The following FBXO27 variants were observed in gnomAD, a reference collection of about 807,000 sequenced individuals.
The protein encoded by FBXO27 is F-box only protein 27.
In FBXO27, 28 loss-of-function variants were observed where a neutral mutation model predicts 28.3. The observed-to-expected ratio is 0.99, with a 90% CI of 0.73 to 1.36. The LOEUF (loss-of-function observed/expected upper bound fraction) is 1.36. FBXO27 is among the 40% of genes most tolerant of loss of function. FBXO27 has a pLI of 0.00. For missense variants in FBXO27, 388 were observed against 394.1 expected (o/e 0.98, Z 0.13); for synonymous variants, 175 against 167.3 (o/e 1.05, Z -0.36).
rs978336508 is a variant in FBXO27, at chr19:39,026,929, C to A, written c.649G>T (p.Asp217Tyr). Residue 217 changes from aspartate to tyrosine, a missense_variant, in exon 5 of 6, where the codon GAT becomes TAT. By Grantham distance (160) the Asp-to-Tyr change is radical. Transcript: ENST00000292853. ...GGATCAGGCACAGCAGAGAATTTAT[C>A]TAGAACAGTCTGGTTGGCGTCTAGA... Reference protein sequence around the residue: ...QLLDANQTVLDKFSAVPDPIP... With the variant: ...QLLDANQTVLYKFSAVPDPIP... The A allele has an allele frequency of 6.2e-7, 1 of 1,614,210 alleles. No individual in the cohort carries two copies. Among genetic ancestry groups the A allele is most frequent in the Non-Finnish European group, 8.5e-7 (1 of 1,180,050 alleles).
intron 2 of FBXO27, among the ~76,000 whole-genome samples, chr19:39,008,264 C>CAAAAAAAAAAAAA (rs567620173): frequency 1.0e-5 from 1 of 98,866 alleles, no homozygotes; most frequent in Non-Finnish European, 2.1e-5. Context: ...GACTCTGTCT[C>CAAAAAAAAAAAAA]AAAAAAAAAA....
rs2072875333 is a variant in FBXO27 at position 39,026,858 on chromosome 19, T to A, written c.708+12A>T. 6.2e-7 allele frequency: 1 copy of A among 1,613,966 alleles called. No homozygotes were observed. The highest frequency in any genetic ancestry group is 1.3e-5 in the African/African-American group (1 of 74,918). On this transcript the variant is annotated intron_variant, in intron 5 of 5. Coordinates refer to ENST00000292853, the MANE Select transcript of FBXO27 (RefSeq NM_178820.5). ...CCAGCATCCTTTCCCCAAACCCCCA[T>A]AGGAGACTCACGTGAAGGCAGGCAT...
chr19:39,014,394 A>G (rs1051988706), exon 2 of FBXO27: 6 of 152,094 alleles, frequency 3.9e-5, no homozygotes, highest in East Asian at 3.9e-4. Context: ...TACCTCGTCA[A>G]TCTTAGAGCT....
chr19:39,019,470 A>G (rs1340671458), downstream of FBXO27, among the ~76,000 whole-genome samples: 41 of 136,252 alleles, frequency 3.0e-4, no homozygotes, highest in African/African-American at 1.1e-3. Context: ...AAAAAAAAAA[A>G]AGAAAGACAT....
chr19:39,031,174 A>G, intron 3 of FBXO27, 35 bp downstream of exon 3: 1 of 1,613,362 alleles, frequency 6.2e-7, no homozygotes, highest in Non-Finnish European at 8.5e-7. Context: ...CTTTCTCAAC[A>G]AGGGGCCGGA....
downstream of FBXO27, among the ~76,000 whole-genome samples, chr19:39,022,146 C>CTT (rs532602600): frequency 1.5e-4 from 13 of 89,054 alleles, no homozygotes; most frequent in African/African-American, 2.7e-4. Context: ...ATTTTCTATT[C>CTT]TTTTTTTTTT....
chr19:39,010,283 A>T (rs543553310), intron 2 of FBXO27, among the ~76,000 whole-genome samples: 1 of 152,096 alleles, frequency 6.6e-6, no homozygotes, highest in East Asian at 1.9e-4. Flanking sequence ...CTTTGACTTA[A>T]TTTCTGTAGA....
intron 2 of FBXO27, among the ~76,000 whole-genome samples, chr19:39,009,934 C>A (rs4803181): frequency 2.0e-5 from 3 of 151,456 alleles, no homozygotes; most frequent in Non-Finnish European, 4.4e-5. Context: ...CTCAGCCTCC[C>A]GAGTAGCTGG....
At chr19:39,029,426 CAAAAA>C (rs35521168) in intron 4 of FBXO27, among the ~76,000 whole-genome samples, 2 of 101,752 alleles carry the variant, frequency 2.0e-5, no homozygotes, top group Non-Finnish European at 3.8e-5. Flanking sequence ...GACTCTGTCT[CAAAAA>C]AAAAAAAAAA....
intron 2 of FBXO27, among the ~76,000 whole-genome samples, chr19:39,010,642 G>A (rs479001): frequency 6.6e-6 from 1 of 152,152 alleles, no homozygotes; most frequent in Non-Finnish European, 1.5e-5. Flanking sequence ...GTTATCCCCC[G>A]TCTCTTCCAT....
chr19:39,032,039 G>A lies in FBXO27; in HGVS notation c.189C>T (p.Gly63=). The change falls in exon 2 of 6, where the codon GGC becomes GGT. Residue 63 remains glycine (G), a synonymous_variant. Transcript: ENST00000292853. This position sits in a 1 kb window ranked among gnomAD's most constrained non-coding sequence, Gnocchi z 4.7. ...VCRGWRALVD[G]QALWLLILAR... ...CCAGGATCAGCAGCCACAGGGCCTG[G>A]CCGTCCACCAGGGCTCGCCAGCCCC... 6.5e-7 allele frequency: 1 copy of A among 1,530,428 alleles called. No homozygotes were observed. Among genetic ancestry groups the A allele is most frequent in the Non-Finnish European group, 8.7e-7 (1 of 1,144,278 alleles). 94.8% of individuals were successfully genotyped at this position (1,530,428 alleles called of 1,614,324 possible).
chr19:39,032,264 G>A lies in FBXO27; in HGVS notation c.-26-11C>T, dbSNP rs1457769749. The stretch of plus-strand genomic sequence containing the variant: ...CAGGCCCGGCTGTGGCTGCGGGAGA[G>A]GAAGGGTCAAGGCGTCAGGGACCAG... On this transcript the variant is annotated splice_polypyrimidine_tract_variant and intron_variant, in intron 1 of 5. Coordinates refer to ENST00000292853, the MANE Select transcript of FBXO27 (RefSeq NM_178820.5). The surrounding 1 kb of genome is among the most constrained non-coding windows in gnomAD (Gnocchi z 4.7). 2.1e-6 allele frequency: 3 copies of A among 1,411,996 alleles called. No homozygotes were observed. Among genetic ancestry groups the A allele is most frequent in the African/African-American group, 3.1e-5 (2 of 64,960 alleles). 87.5% of individuals were successfully genotyped at this position (1,411,996 alleles called of 1,614,324 possible).
intron 5 of FBXO27, among the ~76,000 whole-genome samples, chr19:39,025,944 G>C (rs2072870964): frequency 6.6e-6 from 1 of 152,092 alleles, no homozygotes; most frequent in South Asian, 2.1e-4. Context: ...CTTGAACCTG[G>C]CAGGCGAAGG....
At chr19:39,019,722 C>T (rs555964158), downstream of FBXO27, among the ~76,000 whole-genome samples, 4 of 151,892 alleles carry the variant, frequency 2.6e-5, no homozygotes, top group Admixed American at 2.0e-4. Flanking sequence ...AAGTTATCTG[C>T]CTAAAGAGGG....
rs773919297 is a variant in FBXO27 at position 39,032,113 on chromosome 19, T to C, written c.115A>G (p.Ser39Gly). The C allele has an allele frequency of 7.8e-6, 12 of 1,534,810 alleles. No individual in the cohort carries two copies. Residue 39 changes from serine to glycine, a missense_variant, in exon 2 of 6, where the codon AGC becomes GGC. Physicochemically the swap from Ser to Gly is moderately conservative, Grantham distance 56. Transcript: ENST00000292853. This position sits in a 1 kb window ranked among gnomAD's most constrained non-coding sequence, Gnocchi z 4.7. ...AGCAGCGTGCGCGGGGGGACGTGGCTCAGCACCACCAGAAGCAGCTCTGGG... is the reference window on the plus strand; with the variant it reads ...AGCAGCGTGCGCGGGGGGACGTGGCCCAGCACCACCAGAAGCAGCTCTGGG... ...LPPELLLVVL[S>G]HVPPRTLLGR...
intron 2 of FBXO27, among the ~76,000 whole-genome samples, chr19:39,012,085 G>A (rs1353717671): frequency 2.6e-5 from 4 of 151,266 alleles, no homozygotes; most frequent in Admixed American, 6.6e-5. Context: ...CGCCCGTCTC[G>A]GCCTCCCAAA....
At chr19:39,016,141 C>T (rs2318895) in intron 1 of FBXO27, among the ~76,000 whole-genome samples, 121,092 of 152,076 alleles carry the variant, frequency 0.8, 48,550 homozygotes, top group Middle Eastern at 0.88. Flanking sequence ...GAGGAGTGAA[C>T]TGGTAGAGCA....
downstream of FBXO27, among the ~76,000 whole-genome samples, chr19:39,020,717 G>A (rs1297591304): frequency 2.5e-5 from 3 of 117,650 alleles, no homozygotes; most frequent in African/African-American, 9.9e-5. Flanking sequence ...TTATAACAGA[G>A]CCAATCAAGG....
chr19:39,028,592 G>A (rs2072885611), intron 4 of FBXO27, among the ~76,000 whole-genome samples: 1 of 151,816 alleles, frequency 6.6e-6, no homozygotes, highest in South Asian at 2.1e-4. Flanking sequence ...GCTGGGCATG[G>A]TGGCTCACAC....
Sources: gnomAD v4.1 joint callset for allele counts (sites outside exome capture counted in the v4.1 genomes callset) on GRCh38, gnomAD v4.1.1 for gene constraint, Gnocchi (gnomAD v3.1) non-coding constraint, MANE v1.5 for transcripts, NCBI Gene and HGNC (gene_info 2026-07-23, HGNC 2026-07-21) for gene names.